The following MCC variants were observed in gnomAD, a reference collection of about 807,000 sequenced individuals.
MCC encodes colorectal mutant cancer protein.
A neutral mutation model predicts 116.2 loss-of-function variants in MCC; 90 were observed. The ratio of observed to expected loss-of-function variants is 0.77; its 90% CI spans 0.65 to 0.92. The LOEUF is 0.92. MCC is among the 40% of genes least tolerant of loss of function. MCC has a pLI of 0.00. For synonymous variants in MCC, 578 were observed against 510.5 expected, an observed-to-expected ratio of 1.13 and a Z score of -1.78; for missense variants, 1,516 against 1,312.2, an observed-to-expected ratio of 1.16 and a Z score of -2.40.
chr5:113,175,100 C>A (rs1020177862), intron 3 of MCC, among the ~76,000 whole-genome samples: 1 of 152,164 alleles, frequency 6.6e-6, no homozygotes, highest in Non-Finnish European at 1.5e-5. Flanking sequence ...CCGTGATATA[C>A]TTCTGTGTTG....
intron 1 of MCC, among the ~76,000 whole-genome samples, chr5:113,455,945 A>T (rs1276644652): frequency 6.6e-6 from 1 of 152,214 alleles, no homozygotes; most frequent in East Asian, 1.9e-4. Context: ...AGGGTAAATA[A>T]ACTGACCAAG....
At chr5:113,066,830 G>T (rs2150231393) in intron 13 of MCC, among the ~76,000 whole-genome samples, 1 of 152,330 alleles carries the variant, frequency 6.6e-6, no homozygotes, top group African/African-American at 2.4e-5. Flanking sequence ...ACAGAGGCCT[G>T]GCTACCACAC....
chr5:113,169,492 G>C (rs896710800), intron 3 of MCC, among the ~76,000 whole-genome samples: 3 of 152,098 alleles, frequency 2.0e-5, no homozygotes, highest in African/African-American at 7.2e-5. Flanking sequence ...CTGATGTTTA[G>C]ATAATTGGGT....
intron 8 of MCC, among the ~76,000 whole-genome samples, chr5:113,094,715 C>G (rs142043971): frequency 6.6e-6 from 1 of 152,168 alleles, no homozygotes; most frequent in Admixed American, 6.5e-5. Flanking sequence ...CCACCGCTCC[C>G]GGCCAATGTT....
intron 3 of MCC, among the ~76,000 whole-genome samples, chr5:113,334,787 T>TA (rs1283942783): frequency 6.6e-6 from 1 of 150,870 alleles, no homozygotes; most frequent in Non-Finnish European, 1.5e-5. Context: ...GATGTGGTTT[T>TA]ACCATGTTGG....
At chr5:113,088,775 T>A (rs1755381899) in intron 8 of MCC, among the ~76,000 whole-genome samples, 1 of 152,152 alleles carries the variant, frequency 6.6e-6, no homozygotes, top group Non-Finnish European at 1.5e-5. Flanking sequence ...TCCAGAACTA[T>A]GAGAGTTTGT....
chr5:113,031,391 G>A (rs1366300251), intron 17 of MCC, among the ~76,000 whole-genome samples: 1 of 152,046 alleles, frequency 6.6e-6, no homozygotes, highest in Admixed American at 6.5e-5. Context: ...GTTGCAGGAG[G>A]GGGGCTCCTT....
At chr5:113,270,394 C>T (rs1473550478) in intron 3 of MCC, among the ~76,000 whole-genome samples, 1 of 151,754 alleles carries the variant, frequency 6.6e-6, no homozygotes, top group Non-Finnish European at 1.5e-5. Flanking sequence ...AAGCCTTTCA[C>T]TGATAGAATT....
chr5:113,142,552 G>A (rs904524516), intron 5 of MCC, among the ~76,000 whole-genome samples: 2 of 151,106 alleles, frequency 1.3e-5, no homozygotes, highest in East Asian at 3.9e-4. Flanking sequence ...GAGATATTCT[G>A]GGTTCTGACC....
intron 3 of MCC, among the ~76,000 whole-genome samples, chr5:113,232,445 C>A (rs1341130412): frequency 6.6e-6 from 1 of 152,134 alleles, no homozygotes; most frequent in Non-Finnish European, 1.5e-5. Context: ...CATGTCCACA[C>A]CCTTGCCCAA....
At chr5:113,456,654 G>A (rs1185888310) in intron 1 of MCC, among the ~76,000 whole-genome samples, 1 of 32,456 alleles carries the variant, frequency 3.1e-5, no homozygotes, top group Non-Finnish European at 4.9e-5. Flanking sequence ...TTTTTTTTTA[G>A]TAGAGACGAG....
intron 5 of MCC, among the ~76,000 whole-genome samples, chr5:113,134,815 C>T (rs904698365): frequency 2.0e-4 from 30 of 151,664 alleles, no homozygotes; most frequent in African/African-American, 5.6e-4. Context: ...TAATGGAACA[C>T]TAGGCATAAA....
intron 14 of MCC, among the ~76,000 whole-genome samples, chr5:113,054,610 T>C (rs558650172): frequency 4.5e-4 from 69 of 152,292 alleles, no homozygotes; most frequent in African/African-American, 1.4e-3. Context: ...GTTTGCAACA[T>C]GTACCATGAA....
At chr5:113,122,951 G>C (rs2150270705) in intron 5 of MCC, 125 bp from the exon 6 acceptor site, 2 of 971,832 alleles carry the variant, frequency 2.1e-6, no homozygotes, top group Middle Eastern at 2.2e-4. Flanking sequence ...CAGGCCACAG[G>C]GACCAGGATT....
chr5:113,054,532 C>T (rs1219061689), intron 14 of MCC, among the ~76,000 whole-genome samples: 1 of 152,250 alleles, frequency 6.6e-6, no homozygotes, highest in Non-Finnish European at 1.5e-5. Context: ...CGCAGGTGTC[C>T]CAGGCTGTGG....
chr5:113,078,879 G>A (rs151069005), intron 11 of MCC, among the ~76,000 whole-genome samples: 51,654 of 152,100 alleles, frequency 0.34, 8,794 homozygotes, highest in Middle Eastern at 0.39. Context: ...GTCCCTGTTT[G>A]CAGATGACAT....
intron 17 of MCC, among the ~76,000 whole-genome samples, chr5:113,032,603 C>G (rs7718810): frequency 0.76 from 115,762 of 151,996 alleles, 44,228 homozygotes; most frequent in African/African-American, 0.82. Context: ...CTGCTCTAGA[C>G]CAATTGTTTA....
At chr5:113,087,879 C>T (rs945400640) in intron 8 of MCC, among the ~76,000 whole-genome samples, 1 of 151,254 alleles carries the variant, frequency 6.6e-6, no homozygotes, top group African/African-American at 2.4e-5. Context: ...AACATTTCTT[C>T]TTCTAATCAC....
chr5:113,190,687 C>T (rs1269573791), intron 3 of MCC, among the ~76,000 whole-genome samples: 2 of 152,046 alleles, frequency 1.3e-5, no homozygotes, highest in East Asian at 3.9e-4. Flanking sequence ...CAGAGATATC[C>T]GAATGGTTTC....
Sources: allele counts gnomAD v4.1 joint callset (sites outside exome capture counted in the v4.1 genomes callset), GRCh38; gene constraint gnomAD v4.1.1; transcripts MANE v1.5; gene names NCBI Gene and HGNC (gene_info 2026-07-23, HGNC 2026-07-21).